DNM3: variants seen among roughly 807,000 people sequenced by gnomAD.
The protein encoded by DNM3 is dynamin 3.
DNM3 carries 47 observed loss-of-function variants against 101.6 expected under a neutral mutation model. That is an observed-to-expected ratio of 0.46 (90% confidence interval 0.37 to 0.59). DNM3 has a LOEUF of 0.59. DNM3 is among the 20% of genes least tolerant of loss of function. The pLI, the probability that DNM3 is intolerant of heterozygous loss-of-function variation, is 0.00. For synonymous variants in DNM3, 385 were observed against 387.9 expected, an observed-to-expected ratio of 0.99 and a Z score of 0.09; for missense variants, 849 against 1,085.7, an observed-to-expected ratio of 0.78 and a Z score of 3.06.
chr1:172,391,736 T>C (rs1334597263), intron 20 of DNM3, among the ~76,000 whole-genome samples: 1 of 152,142 alleles, frequency 6.6e-6, no homozygotes, highest in Non-Finnish European at 1.5e-5. Flanking sequence ...AGTTTTTTAC[T>C]TTCTTAAGGG....
intron 14 of DNM3, among the ~76,000 whole-genome samples, chr1:172,189,976 A>C (rs2059649329): frequency 6.6e-6 from 1 of 150,658 alleles, no homozygotes; most frequent in South Asian, 2.1e-4. Context: ...ATGACCTCCC[A>C]TTAGGCCCCA....
chr1:171,891,463 T>C (rs910801942), intron 1 of DNM3, among the ~76,000 whole-genome samples: 1 of 152,160 alleles, frequency 6.6e-6, no homozygotes, highest in Admixed American at 6.5e-5. Flanking sequence ...AACCACTACT[T>C]TTACAATATT....
intron 14 of DNM3, among the ~76,000 whole-genome samples, chr1:172,206,711 T>C (rs2060335330): frequency 6.6e-6 from 1 of 152,076 alleles, no homozygotes; most frequent in Admixed American, 6.6e-5. Context: ...TGAGATAGTC[T>C]TCCTATGGGC....
At chr1:172,360,600 G>T (rs942621527) in intron 17 of DNM3, among the ~76,000 whole-genome samples, 6 of 151,866 alleles carry the variant, frequency 4.0e-5, no homozygotes, top group Non-Finnish European at 8.8e-5. Flanking sequence ...CCCCTGCAAG[G>T]GTCTAACAAG....
At chr1:172,298,859 A>AAG (rs36121139) in intron 15 of DNM3, among the ~76,000 whole-genome samples, 6 of 149,016 alleles carry the variant, frequency 4.0e-5, no homozygotes, top group African/African-American at 7.5e-5. Context: ...GAAAGAAAGA[A>AAG]AGAGAGAGAG....
intron 14 of DNM3, among the ~76,000 whole-genome samples, chr1:172,135,319 A>G (rs1413250173): frequency 6.6e-6 from 1 of 152,160 alleles, no homozygotes; most frequent in Non-Finnish European, 1.5e-5. Flanking sequence ...GATTGAATGA[A>G]GGTGTCATTG....
intron 13 of DNM3, among the ~76,000 whole-genome samples, chr1:172,097,237 T>A (rs184920894): frequency 6.0e-4 from 91 of 152,026 alleles, no homozygotes; most frequent in Non-Finnish European, 1.0e-3. Context: ...CCATCTCTAC[T>A]AAAAATACAA....
Position 172,281,444 on chromosome 1 carries a change from G to A in DNM3, c.1770-27284G>A, listed in dbSNP as rs2063487261. On this transcript the variant is annotated intron_variant, in intron 15 of 20. Transcript: ENST00000627582. The stretch of plus-strand genomic sequence containing the variant: ...CCCCAATGGAGATTAAGTAATCTGT[G>A]AGCTGACACCCCCATTTTCCCCAAC... Among the ~76,000 whole-genome samples the A allele has an allele frequency of 2.0e-5, 3 of 152,012 alleles. No individual in the cohort carries two copies. In the South Asian group the frequency reaches 6.2e-4, roughly 32 times the overall value.
chr1:171,850,171 G>A (rs899096937), intron 1 of DNM3, among the ~76,000 whole-genome samples: 2 of 152,152 alleles, frequency 1.3e-5, no homozygotes, highest in African/African-American at 2.4e-5. Flanking sequence ...CAGGAGGTAA[G>A]GTGTAATTAG....
intron 9 of DNM3, among the ~76,000 whole-genome samples, chr1:172,045,054 A>C (rs73039305): frequency 6.6e-6 from 1 of 152,054 alleles, no homozygotes; most frequent in East Asian, 1.9e-4. Context: ...GGGATGACCA[A>C]AGGCAAAGAG....
chr1:172,118,691 C>G (rs1390127379), intron 13 of DNM3, among the ~76,000 whole-genome samples: 2 of 152,082 alleles, frequency 1.3e-5, no homozygotes, highest in Admixed American at 6.6e-5. Flanking sequence ...CTCGAGCTCC[C>G]CATCTCCATC....
intron 7 of DNM3, among the ~76,000 whole-genome samples, chr1:172,040,759 A>G (rs1455940991): frequency 3.9e-5 from 6 of 152,140 alleles, no homozygotes; most frequent in Non-Finnish European, 8.8e-5. Flanking sequence ...TCTGGGAAGA[A>G]CCAATGCTTG....
At chr1:171,998,940 G>C (rs2046188757) in intron 4 of DNM3, among the ~76,000 whole-genome samples, 1 of 152,124 alleles carries the variant, frequency 6.6e-6, no homozygotes, top group African/African-American at 2.4e-5. Flanking sequence ...CAGCAGAAAA[G>C]TGTGGTTGGT....
chr1:172,093,609 T>C, intron 13 of DNM3: 5 of 1,211,158 alleles, frequency 4.1e-6, no homozygotes, highest in African/African-American at 1.5e-5. Flanking sequence ...TTTTTTCCCA[T>C]TGTTTTGAAA....
At chr1:172,065,436 A>T (rs1250917100) in intron 10 of DNM3, among the ~76,000 whole-genome samples, 2 of 152,128 alleles carry the variant, frequency 1.3e-5, no homozygotes, top group Non-Finnish European at 2.9e-5. Flanking sequence ...TTGGTGTCAG[A>T]TACACCACTC....
chr1:172,270,552 A>G (rs1381732295), intron 15 of DNM3, among the ~76,000 whole-genome samples: 1 of 152,178 alleles, frequency 6.6e-6, no homozygotes, highest in Non-Finnish European at 1.5e-5. Context: ...TTACACATAA[A>G]TTATATTATT....
At chr1:171,939,554 T>A (rs1194904381) in intron 2 of DNM3, among the ~76,000 whole-genome samples, 1 of 152,208 alleles carries the variant, frequency 6.6e-6, no homozygotes, top group South Asian at 2.1e-4. Flanking sequence ...AGAGATCGGA[T>A]GGAAGAAAGA....
At chr1:172,119,532 C>G (rs2056163377) in intron 13 of DNM3, among the ~76,000 whole-genome samples, 1 of 152,126 alleles carries the variant, frequency 6.6e-6, no homozygotes, top group South Asian at 2.1e-4. Context: ...CCTCTCCTCC[C>G]AGACATTGCA....
intron 10 of DNM3, among the ~76,000 whole-genome samples, chr1:172,058,688 T>C (rs1260597855): frequency 6.6e-6 from 1 of 151,906 alleles, no homozygotes; most frequent in South Asian, 2.1e-4. Context: ...TGGGATGCAT[T>C]TAAAGCAGTG....
Sources: allele counts gnomAD v4.1 joint callset (sites outside exome capture counted in the v4.1 genomes callset), GRCh38; gene constraint gnomAD v4.1.1; transcripts MANE v1.5; gene names NCBI Gene and HGNC (gene_info 2026-07-23, HGNC 2026-07-21).